Variants in RLF observed in about 807,000 individuals in gnomAD.
RLF encodes the protein zinc finger protein Rlf.
Under a neutral mutation model 162.9 loss-of-function variants are expected in RLF, and 7 were observed. The ratio of observed to expected loss-of-function variants is 0.04; its 90% CI spans 0.02 to 0.08. The LOEUF (loss-of-function observed/expected upper bound fraction) is 0.08. Among genes scored for constraint, RLF ranks in the 10% least tolerant of loss-of-function variants. The probability of loss-of-function intolerance (pLI) is 1.00; values close to 1 mark genes in which losing one functional copy is unlikely to be tolerated. For synonymous variants in RLF, 782 were observed against 791.5 expected, an observed-to-expected ratio of 0.99 and a Z score of 0.20; for missense variants, 1,664 against 2,244.7, an observed-to-expected ratio of 0.74 and a Z score of 5.23.
At chr1:40,162,133 C>T (rs1642097091) in intron 1 of RLF, among the ~76,000 whole-genome samples, 1 of 150,960 alleles carries the variant, frequency 6.6e-6, no homozygotes, top group Admixed American at 6.6e-5. Context: ...CGAAAGGCGT[C>T]TAGAGCTTTC....
chr1:40,231,721 C>T, intron 7 of RLF, 63 bp downstream of exon 7: 2 of 1,435,806 alleles, frequency 1.4e-6, no homozygotes, highest in South Asian at 1.3e-5. Context: ...GGGAAGATAA[C>T]TTCTCAGGAA....
intron 4 of RLF, among the ~76,000 whole-genome samples, chr1:40,196,872 C>G (rs989740906): frequency 5.3e-5 from 8 of 152,182 alleles, no homozygotes; most frequent in Admixed American, 5.2e-4. Flanking sequence ...TTGACATTTG[C>G]ATTTTAGATC....
At chr1:40,170,419 C>T (rs1294660648) in intron 1 of RLF, among the ~76,000 whole-genome samples, 5 of 152,046 alleles carry the variant, frequency 3.3e-5, no homozygotes, top group African/African-American at 4.8e-5. Context: ...CGTGCCACCA[C>T]GCCCTGCTAA....
intron 6 of RLF, among the ~76,000 whole-genome samples, chr1:40,225,398 G>T (rs1180942105): frequency 6.6e-6 from 1 of 152,022 alleles, no homozygotes; most frequent in African/African-American, 2.4e-5. Context: ...GGCCAACATG[G>T]TGAAAACCCA....
At chr1:40,207,825 G>C (rs954172775) in intron 5 of RLF, among the ~76,000 whole-genome samples, 10 of 152,260 alleles carry the variant, frequency 6.6e-5, no homozygotes, top group African/African-American at 2.2e-4. Flanking sequence ...TGCCCAGGCT[G>C]GTCTCCAACT....
chr1:40,183,056 C>G (rs1391508369), intron 1 of RLF, among the ~76,000 whole-genome samples: 1 of 152,090 alleles, frequency 6.6e-6, no homozygotes, highest in Admixed American at 6.5e-5. Flanking sequence ...AGCATTTACT[C>G]TGATCTGTTC....
intron 1 of RLF, among the ~76,000 whole-genome samples, chr1:40,174,332 C>T (rs1642285953): frequency 6.6e-6 from 1 of 151,798 alleles, no homozygotes; most frequent in East Asian, 1.9e-4. Context: ...GATTGCACCA[C>T]TGCACTCCAA....
At chr1:40,182,270 T>C (rs1642415101) in intron 1 of RLF, among the ~76,000 whole-genome samples, 1 of 152,004 alleles carries the variant, frequency 6.6e-6, no homozygotes, top group Non-Finnish European at 1.5e-5. Flanking sequence ...CCGTCTCTAC[T>C]AAAAATACAA....
intron 1 of RLF, among the ~76,000 whole-genome samples, chr1:40,180,784 G>T (rs1391595861): frequency 2.0e-5 from 3 of 152,084 alleles, no homozygotes; most frequent in African/African-American, 7.2e-5. Context: ...TATGTGTTTA[G>T]ATATTAATCC....
intron 4 of RLF, among the ~76,000 whole-genome samples, chr1:40,200,866 CTA>C (rs1491265275): frequency 8.4e-5 from 9 of 107,740 alleles, no homozygotes; most frequent in Non-Finnish European, 1.7e-4. Flanking sequence ...CATTGCTACT[CTA>C]CACACACACA....
chr1:40,162,086 C>T (rs1209548524), intron 1 of RLF, among the ~76,000 whole-genome samples: 1 of 152,000 alleles, frequency 6.6e-6, no homozygotes, highest in Admixed American at 6.5e-5. Flanking sequence ...TTGGAGTTAA[C>T]ATCTTCTGGG....
rs375384391 is a variant in RLF, at chr1:40,193,519, T to A, written c.475-2113T>A. ...GGTCAGTTAGACATTATAAATATGA[T>A]AAACCTGACACCTCAAATTTTTAAC... On this transcript the variant is annotated intron_variant, in intron 3 of 7. Transcript: ENST00000372771. Among the ~76,000 whole-genome samples the A allele has an allele frequency of 8.5e-5, 13 of 152,314 alleles. 1 individual carries two copies. Among genetic ancestry groups the A allele is most frequent in the East Asian group, 3.9e-4 (2 of 5,186 alleles).
At chr1:40,198,050 C>T (rs1642660546) in intron 4 of RLF, among the ~76,000 whole-genome samples, 1 of 152,080 alleles carries the variant, frequency 6.6e-6, no homozygotes, top group Non-Finnish European at 1.5e-5. Context: ...ATTACTCAGG[C>T]TGGAGTGCAA....
At chr1:40,230,929 G>A (rs1643144889) in intron 6 of RLF, among the ~76,000 whole-genome samples, 1 of 151,836 alleles carries the variant, frequency 6.6e-6, no homozygotes, top group Admixed American at 6.6e-5. Context: ...CTTTCCTTTT[G>A]TTTCCATAAT....
chr1:40,180,978 G>A (rs1642398453), intron 1 of RLF, among the ~76,000 whole-genome samples: 1 of 152,142 alleles, frequency 6.6e-6, no homozygotes, highest in Non-Finnish European at 1.5e-5. Flanking sequence ...ATGTAATGAA[G>A]CTATTTATCT....
At chr1:40,167,716 T>A (rs1349019154) in intron 1 of RLF, among the ~76,000 whole-genome samples, 1 of 150,996 alleles carries the variant, frequency 6.6e-6, no homozygotes, top group Non-Finnish European at 1.5e-5. Flanking sequence ...TTATTTTTCT[T>A]CAAATCACTA....
chr1:40,238,945 C>T lies in RLF; in HGVS notation c.4243C>T (p.Pro1415Ser), dbSNP rs756782597. The change falls in exon 8 of 8, where the codon CCT becomes TCT. Residue 1415 changes from proline to serine, a missense_variant. Pro to Ser is a moderately conservative substitution (Grantham distance 74, BLOSUM62 -1). Around this residue, in one of 15 missense-constraint regions of RLF, gnomAD observed 200 missense variants for 207.3 expected, o/e 0.96. Transcript: ENST00000372771. The surrounding 1 kb of genome is among the most constrained non-coding windows in gnomAD (Gnocchi z 5.2). ...GTTTTCTTGTAACCAGCCTCAGTGC[C>T]CTGCTGTTTTTTATACATTCAACAA... ...ARFSCNQPQC[P>S]AVFYTFNKLK... 5.0e-6 allele frequency: 8 copies of T among 1,614,042 alleles called. No individual in the cohort carries two copies. The East Asian group carries it at 1.8e-4, about 36-fold the overall frequency.
chr1:40,217,406 G>A (rs1379900851), intron 5 of RLF, among the ~76,000 whole-genome samples: 1 of 152,138 alleles, frequency 6.6e-6, no homozygotes, highest in Non-Finnish European at 1.5e-5. Flanking sequence ...AGGAGTTCGA[G>A]GCTGCAGTGA....
chr1:40,195,654 A>C lies in RLF; in HGVS notation c.497A>C (p.Glu166Ala). The change falls in exon 4 of 8, where the codon GAA becomes GCA. Residue 166 changes from glutamate to alanine, a missense_variant. Glu to Ala is a moderately radical substitution (Grantham distance 107). Around this residue, in one of 15 missense-constraint regions of RLF, gnomAD observed 287 missense variants for 404.9 expected, o/e 0.71. Transcript: ENST00000372771. ...SLQESHDALL[E>A]FGNNNLQILV... ...TAGGAGTCACATGATGCATTATTGGAATTTGGGAATAATAACCTACAAATA... is the reference window on the plus strand; with the variant it reads ...TAGGAGTCACATGATGCATTATTGGCATTTGGGAATAATAACCTACAAATA... The C allele has an allele frequency of 6.2e-7, 1 of 1,612,510 alleles. No homozygotes were observed. Among genetic ancestry groups the C allele is most frequent in the Non-Finnish European group, 8.5e-7 (1 of 1,178,984 alleles).
Sources: gnomAD v4.1 joint callset for allele counts (sites outside exome capture counted in the v4.1 genomes callset) on GRCh38, gnomAD v4.1.1 for gene constraint, gnomAD v4.1.1 regional missense constraint, Gnocchi (gnomAD v3.1) non-coding constraint, MANE v1.5 for transcripts, NCBI Gene and HGNC (gene_info 2026-07-23, HGNC 2026-07-21) for gene names.